The following PRDM5 variants were observed in gnomAD, a reference collection of about 807,000 sequenced individuals.
PRDM5 encodes PR/SET domain 5.
Under a neutral mutation model 81.2 loss-of-function variants are expected in PRDM5, and 56 were observed. That is an observed-to-expected ratio of 0.69 (90% CI 0.56 to 0.86). The LOEUF (loss-of-function observed/expected upper bound fraction) is 0.86. Among genes scored for constraint, PRDM5 ranks in the 40% least tolerant of loss-of-function variants. The pLI is 0.00. For missense variants in PRDM5, 697 were observed against 770.1 expected (o/e 0.91, Z 1.12); for synonymous variants, 267 against 256.4 (o/e 1.04, Z -0.39).
At chr4:120,884,085 G>A (rs1763142741) in intron 2 of PRDM5, among the ~76,000 whole-genome samples, 2 of 152,008 alleles carry the variant, frequency 1.3e-5, no homozygotes, top group Non-Finnish European at 2.9e-5. Context: ...ATCTCTTCAT[G>A]ACCACATATC....
At chr4:120,716,805 C>T (rs10518375) in intron 14 of PRDM5, among the ~76,000 whole-genome samples, 24,377 of 152,086 alleles carry the variant, frequency 0.16, 2,385 homozygotes, top group African/African-American at 0.26. Flanking sequence ...GCCAAGAGGT[C>T]ATAGGCCACT....
chr4:120,685,025 T>C (rs1733781440), exon 2 of PRDM5: 1 of 152,056 alleles, frequency 6.6e-6, no homozygotes, highest in South Asian at 2.1e-4. Context: ...TTTTAATGTG[T>C]CTAAAAAAGG....
At chr4:120,716,611 A>G (rs1401973356) in intron 14 of PRDM5, among the ~76,000 whole-genome samples, 1 of 152,206 alleles carries the variant, frequency 6.6e-6, no homozygotes, top group African/African-American at 2.4e-5. Flanking sequence ...AGCCTGCACT[A>G]TTCCTGAAGA....
At chr4:120,756,629 A>G (rs760255007) in intron 13 of PRDM5, among the ~76,000 whole-genome samples, 1 of 152,236 alleles carries the variant, frequency 6.6e-6, no homozygotes, top group Non-Finnish European at 1.5e-5. Flanking sequence ...AAGGAAAAGG[A>G]CAGGAAGAAA....
chr4:120,754,577 C>A lies in PRDM5; in HGVS notation c.1599G>T (p.Lys533Asn). 1 of 1,592,762 alleles carries A rather than the reference C, an allele frequency of 6.3e-7. No individual in the cohort carries two copies. The highest frequency in any genetic ancestry group is 8.6e-7 in the Non-Finnish European group (1 of 1,160,770). The change falls in exon 14 of 16, where the codon AAG becomes AAT. Residue 533 changes from lysine to asparagine, a missense_variant. Around this residue, in one of 3 missense-constraint regions of PRDM5, gnomAD observed 86 missense variants for 135.2 expected, o/e 0.64. Transcript: ENST00000264808. Reference protein sequence around the residue: ...EKGFSKNDGLKMHIRTHTREK... With the variant: ...EKGFSKNDGLNMHIRTHTREK... Reference sequence around the variant, plus strand: ...CCCTGGTGTGAGTACGAATGTGCATCTTCAGTCCATCATTTTTACTGAATC... The same window carrying A: ...CCCTGGTGTGAGTACGAATGTGCATATTCAGTCCATCATTTTTACTGAATC...
Position 120,884,376 on chromosome 4 carries a change from CTT to C in PRDM5, c.177+23096_177+23097del, listed in dbSNP as rs149248640. Among the ~76,000 whole-genome samples the C allele has an allele frequency of 9.2e-3, 1,407 of 152,222 alleles. 24 individuals are homozygous for C. Among genetic ancestry groups the C allele is most frequent in the African/African-American group, 0.033 (1,367 of 41,512 alleles). Reference sequence around the variant, plus strand: ...TACACTTTTCCTACCTTCATTTACACTTTCTCTCTACTTGAAACACTTGCTTT... The same window carrying C: ...TACACTTTTCCTACCTTCATTTACACTCTCTCTACTTGAAACACTTGCTTT... On this transcript the variant is annotated intron_variant, in intron 2 of 15. Coordinates refer to ENST00000264808, the MANE Select transcript of PRDM5 (RefSeq NM_018699.4).
chr4:120,733,936 T>G (rs1578516006), intron 14 of PRDM5, among the ~76,000 whole-genome samples: 2 of 149,622 alleles, frequency 1.3e-5, no homozygotes, highest in Middle Eastern at 3.5e-3. Flanking sequence ...ATAATTAATG[T>G]ACCAGTAAAG....
chr4:120,743,122 A>T (rs1271352706), intron 14 of PRDM5, among the ~76,000 whole-genome samples: 4 of 151,990 alleles, frequency 2.6e-5, no homozygotes, highest in Non-Finnish European at 4.4e-5. Context: ...GGGGGCCGAT[A>T]TTCAACATTC....
intron 2 of PRDM5, among the ~76,000 whole-genome samples, chr4:120,855,963 T>A (rs973220489): frequency 6.6e-6 from 1 of 152,234 alleles, no homozygotes; most frequent in African/African-American, 2.4e-5. Context: ...GTGTTTAACA[T>A]CTGGAATTCT....
chr4:120,707,106 T>C (rs1736282306), intron 15 of PRDM5, among the ~76,000 whole-genome samples: 1 of 151,926 alleles, frequency 6.6e-6, no homozygotes, highest in Non-Finnish European at 1.5e-5. Context: ...CAGACAAATA[T>C]GTTATGAAAA....
chr4:120,833,272 G>A (rs570751193), intron 3 of PRDM5, among the ~76,000 whole-genome samples: 76 of 152,112 alleles, frequency 5.0e-4, no homozygotes, highest in African/African-American at 1.7e-3. Context: ...CATCCCACCC[G>A]GGACAGGAGT....
chr4:120,687,818 T>C (rs148056939), downstream of PRDM5, among the ~76,000 whole-genome samples: 24 of 152,276 alleles, frequency 1.6e-4, no homozygotes, highest in African/African-American at 5.5e-4. Context: ...CCCTTTTCTC[T>C]TGTGCCCTTT....
chr4:120,907,153 G>C (rs1184697562), intron 2 of PRDM5, among the ~76,000 whole-genome samples: 2 of 151,928 alleles, frequency 1.3e-5, no homozygotes, highest in Non-Finnish European at 2.9e-5. Flanking sequence ...TGGCCAATGT[G>C]GCAAAACCCC....
At chr4:120,809,270 C>T (rs947372356) in intron 8 of PRDM5, among the ~76,000 whole-genome samples, 14 of 151,846 alleles carry the variant, frequency 9.2e-5, no homozygotes, top group African/African-American at 3.4e-4. Context: ...GGAGGGATAG[C>T]ATTAGGAGAT....
At chr4:120,808,868 C>T (rs1753406650) in intron 8 of PRDM5, among the ~76,000 whole-genome samples, 1 of 152,204 alleles carries the variant, frequency 6.6e-6, no homozygotes, top group African/African-American at 2.4e-5. Context: ...AAGTGAGGGG[C>T]CCACCTAGCC....
At position 120,919,046 on chromosome 4, in the gene PRDM5, C is replaced by T. The variant is rs77961893; in HGVS notation, c.93+3470G>A. Among the ~76,000 whole-genome samples, 828 of 152,248 alleles carry T rather than the reference C, an allele frequency of 5.4e-3. 2 individuals carry two copies. Among genetic ancestry groups the T allele is most frequent in the Non-Finnish European group, 8.8e-3 (600 of 68,018 alleles). ...AAGAACTTTATACTGAACAGGCTGG[C>T]TCTCTGCACTTCTCTTCCTAGAGAA... On this transcript the variant is annotated intron_variant, in intron 1 of 15. Transcript: ENST00000264808.
intron 13 of PRDM5, among the ~76,000 whole-genome samples, chr4:120,772,867 C>T (rs1187735163): frequency 6.6e-6 from 1 of 152,146 alleles, no homozygotes; most frequent in East Asian, 1.9e-4. Flanking sequence ...GACATTTACA[C>T]TAATGGTATA....
intron 3 of PRDM5, chr4:120,837,494 C>T (rs137917954): frequency 2.0e-5 from 3 of 152,168 alleles, no homozygotes; most frequent in Non-Finnish European, 4.4e-5. Context: ...CTTTTACATA[C>T]AACTTACACT....
chr4:120,858,443 A>G (rs917620823), intron 2 of PRDM5, among the ~76,000 whole-genome samples: 1 of 152,188 alleles, frequency 6.6e-6, no homozygotes, highest in Non-Finnish European at 1.5e-5. Flanking sequence ...AGAAATCAGC[A>G]ATGATCATAG....
Sources: allele counts gnomAD v4.1 joint callset (sites outside exome capture counted in the v4.1 genomes callset), GRCh38; gene constraint gnomAD v4.1.1; regional missense constraint gnomAD v4.1.1; transcripts MANE v1.5; gene names NCBI Gene and HGNC (gene_info 2026-07-23, HGNC 2026-07-21).